STYXL2: variants seen among roughly 807,000 people sequenced by gnomAD.
STYXL2 encodes the protein serine/threonine/tyrosine-interacting-like protein 2.
A neutral mutation model predicts 52.4 loss-of-function variants in STYXL2; 44 were observed. That is an observed-to-expected ratio of 0.84 (90% confidence interval 0.66 to 1.08). The LOEUF (loss-of-function observed/expected upper bound fraction) is 1.08, where lower values mean the gene tolerates loss of function less well. Ranked by LOEUF, STYXL2 falls within the 50% of genes least tolerant of loss-of-function variation. The pLI is 0.00. For synonymous variants in STYXL2, 604 were observed against 586.9 expected (o/e 1.03, Z -0.42); for missense variants, 1,604 against 1,471.7 (o/e 1.09, Z -1.47).
intron 2 of STYXL2, among the ~76,000 whole-genome samples, chr1:167,103,383 A>G (rs1667441351): frequency 6.6e-6 from 1 of 152,188 alleles, no homozygotes; most frequent in Non-Finnish European, 1.5e-5. Context: ...CTGTGGAACT[A>G]GAACAGAGCC....
At chr1:167,110,228 C>G (rs962857147) in intron 2 of STYXL2, among the ~76,000 whole-genome samples, 13 of 152,126 alleles carry the variant, frequency 8.5e-5, no homozygotes, top group Non-Finnish European at 1.5e-4. Context: ...GAACAGTAGC[C>G]CTTGAGCCCC....
Position 167,117,467 on chromosome 1 carries a change from C to A in STYXL2, c.345C>A (p.Val115=). ...CCAGCCTCTATAATACGCCCTGTGT[C>A]CTGGACCTACAGCGGGCCCTGGTTC... ...DDTSLYNTPC[V]LDLQRALVQD... Residue 115 remains valine (V), a synonymous_variant, in exon 4 of 6, where the codon GTC becomes GTA. Transcript: ENST00000361200. The A allele has an allele frequency of 2.5e-6, 4 of 1,612,684 alleles. No homozygotes were observed. The highest frequency in any genetic ancestry group is 3.4e-6 in the Non-Finnish European group (4 of 1,179,458).
chr1:167,126,230 C>T lies in STYXL2; in HGVS notation c.1099C>T (p.Gln367Ter). The T allele has an allele frequency of 6.5e-7, 1 of 1,546,066 alleles. No homozygotes were observed. The highest frequency in any genetic ancestry group is 8.7e-7 in the Non-Finnish European group (1 of 1,151,518). ...GGGCCTCCTCTCAGACAAGGTCCCC[C>T]AGGATGGAGGTGGCTGGCGCTCAGC... is the stretch of plus-strand genomic sequence containing the variant. ...GQGLLSDKVPQDGGGWRSASS... is the reference protein window; with the variant it reads ...GQGLLSDKVP The change falls in exon 6 of 6, where the codon CAG becomes TAG. Residue 367 changes from glutamine to a stop codon, truncating the protein, a stop_gained. Transcript: ENST00000361200. LOFTEE classifies it low-confidence loss of function (END_TRUNC).
At chr1:167,120,729 A>G (rs1380158166) in intron 5 of STYXL2, among the ~76,000 whole-genome samples, 1 of 150,912 alleles carries the variant, frequency 6.6e-6, no homozygotes, top group African/African-American at 2.4e-5. Flanking sequence ...CGATCCTCCC[A>G]CCTCGGCCTC....
intron 2 of STYXL2, among the ~76,000 whole-genome samples, chr1:167,101,930 T>C (rs1347766181): frequency 1.3e-5 from 2 of 152,066 alleles, no homozygotes; most frequent in Non-Finnish European, 1.5e-5. Flanking sequence ...GATAAACACA[T>C]TGTGTCACAT....
intron 2 of STYXL2, among the ~76,000 whole-genome samples, chr1:167,098,426 T>C (rs1210660391): frequency 6.6e-6 from 1 of 151,846 alleles, no homozygotes; most frequent in Non-Finnish European, 1.5e-5. Flanking sequence ...CAGTGAGCTA[T>C]GACCATGCCA....
chr1:167,128,169 G>A lies in STYXL2; in HGVS notation c.3038G>A (p.Arg1013Lys). The stretch of plus-strand genomic sequence containing the variant: ...TCACGGTTCTCATCTTCCTCCACCA[G>A]GGAGGGCAGAGAGATGCACAAGTTC... ...STSRFSSSST[R>K]EGREMHKFSR... Residue 1013 changes from arginine to lysine, a missense_variant, in exon 6 of 6, where the codon AGG becomes AAG. Physicochemically the swap from Arg to Lys is conservative, Grantham distance 26. Coordinates refer to ENST00000361200, the MANE Select transcript of STYXL2 (RefSeq NM_001080426.3). 1 of 1,614,212 alleles carries A rather than the reference G, an allele frequency of 6.2e-7. No individual in the cohort carries two copies. Among genetic ancestry groups the A allele is most frequent in the South Asian group, 1.1e-5 (1 of 91,082 alleles).
At chr1:167,124,126 G>A (rs2102246329) in intron 5 of STYXL2, among the ~76,000 whole-genome samples, 1 of 151,792 alleles carries the variant, frequency 6.6e-6, no homozygotes, top group Admixed American at 6.6e-5. Flanking sequence ...TGCCAGGCCG[G>A]TCTCAAACTC....
In STYXL2 at chr1:167,127,238, C is replaced by T. The variant is rs757053635; in HGVS notation, c.2107C>T (p.Pro703Ser). 2.5e-6 allele frequency: 4 copies of T among 1,614,186 alleles called. No individual in the cohort carries two copies. The East Asian group carries it at 8.9e-5, about 36-fold the overall frequency. ...SNIAGCSTSN[P>S]TTPLPNLPVG... ...CATAGCGGGGTGTTCAACCTCCAAC[C>T]CCACCACACCCCTGCCTAACCTGCC... Residue 703 changes from proline (P) to serine (S), a missense_variant, in exon 6 of 6, where the codon CCC becomes TCC. Coordinates refer to ENST00000361200, the MANE Select transcript of STYXL2 (RefSeq NM_001080426.3).
intron 2 of STYXL2, among the ~76,000 whole-genome samples, chr1:167,101,954 T>C (rs1340053831): frequency 6.6e-6 from 1 of 152,186 alleles, no homozygotes; most frequent in African/African-American, 2.4e-5. Context: ...CACATAGGAA[T>C]ACTATACAGC....
At position 167,113,694 on chromosome 1, in the gene STYXL2, T is replaced by C. The variant is rs761221367; in HGVS notation, c.111-16T>C. The C allele has an allele frequency of 1.3e-5, 20 of 1,590,932 alleles. No homozygotes were observed. Among genetic ancestry groups the C allele is most frequent in the Middle Eastern group, 1.7e-4 (1 of 6,050 alleles). ...ATGCTACAGGCTTATCTCACGTGAA[T>C]ATCCTCTTCCCTTAGGTATTCGATG... is the stretch of plus-strand genomic sequence containing the variant. On this transcript the variant is annotated splice_polypyrimidine_tract_variant and intron_variant, in intron 2 of 5. Coordinates refer to ENST00000361200, the MANE Select transcript of STYXL2 (RefSeq NM_001080426.3).
chr1:167,127,311 T>C lies in STYXL2; in HGVS notation c.2180T>C (p.Ile727Thr), dbSNP rs1376213580. ...TISIASIQNW[I>T]ANVVSETLAQ... is the part of the protein sequence containing the mutation. ...TCCATTGCCAGTATCCAGAACTGGA[T>C]TGCCAATGTAGTCAGTGAGACCCTT... Residue 727 changes from isoleucine (I) to threonine (T), a missense_variant, in exon 6 of 6, where the codon ATT (isoleucine) becomes ACT (threonine). Transcript: ENST00000361200. 1 of 1,614,206 alleles carries C rather than the reference T, an allele frequency of 6.2e-7. No individual in the cohort carries two copies. The highest frequency in any genetic ancestry group is 1.1e-5 in the South Asian group (1 of 91,084).
intron 2 of STYXL2, among the ~76,000 whole-genome samples, chr1:167,101,365 T>C (rs1446810556): frequency 1.3e-5 from 2 of 152,214 alleles, no homozygotes; most frequent in Non-Finnish European, 2.9e-5. Flanking sequence ...GGGACAATCT[T>C]ATATACTGCT....
intron 5 of STYXL2, among the ~76,000 whole-genome samples, chr1:167,122,629 G>C (rs1264548825): frequency 6.6e-6 from 1 of 151,936 alleles, no homozygotes; most frequent in East Asian, 1.9e-4. Context: ...CAAATCTGAT[G>C]CTCTCCCCAG....
At chr1:167,096,941 C>CT (rs1211304041) in intron 2 of STYXL2, among the ~76,000 whole-genome samples, 3 of 152,140 alleles carry the variant, frequency 2.0e-5, no homozygotes, top group Non-Finnish European at 2.9e-5. Context: ...TCCCTCAGGC[C>CT]TGAATGCAAC....
chr1:167,126,256 C>G lies in STYXL2; in HGVS notation c.1125C>G (p.Ala375=). 1 of 1,541,640 alleles carries G rather than the reference C, an allele frequency of 6.5e-7. No individual in the cohort carries two copies. The highest frequency in any genetic ancestry group is 8.7e-7 in the Non-Finnish European group (1 of 1,147,246). ...AGGATGGAGGTGGCTGGCGCTCAGCCTCCTCTGGCCAGGGTGGGGAGGAGC... is the reference window on the plus strand; with the variant it reads ...AGGATGGAGGTGGCTGGCGCTCAGCGTCCTCTGGCCAGGGTGGGGAGGAGC... ...VPQDGGGWRS[A]SSGQGGEELE... is the part of the protein sequence containing the mutation. Residue 375 remains alanine, a synonymous_variant, in exon 6 of 6, where the codon GCC becomes GCG. Coordinates refer to ENST00000361200, the MANE Select transcript of STYXL2 (RefSeq NM_001080426.3).
rs776678004 is a variant in STYXL2, at chr1:167,126,060, A to C, written c.929A>C (p.His310Pro). The change falls in exon 6 of 6, where the codon CAC becomes CCC. Residue 310 changes from histidine (H) to proline (P), a missense_variant. His to Pro is a moderately conservative substitution (Grantham distance 77). Transcript: ENST00000361200. ...GGGAGCATGCTCGGGGCCAGAGTGC[A>C]CGCCCTGACGGTGGAAGAGGAGGAC... ...GTGSMLGARV[H>P]ALTVEEEDDS... 1.3e-6 allele frequency: 2 copies of C among 1,558,652 alleles called. No individual in the cohort carries two copies. Among genetic ancestry groups the C allele is most frequent in the African/African-American group, 1.4e-5 (1 of 73,302 alleles).
rs548036459 is a variant in STYXL2, at chr1:167,124,192, G to T, written c.656-1595G>T. 1.1e-4 allele frequency among the ~76,000 whole-genome samples: 16 copies of T among 152,070 alleles called. No homozygotes were observed. In the South Asian group the frequency reaches 3.3e-3, roughly 32 times the overall value. On this transcript the variant is annotated intron_variant, in intron 5 of 5. Transcript: ENST00000361200. Reference sequence around the variant, plus strand: ...CCCAAAGTGCTGGGATTACAGGTATGAGCCACCACACCCTGGCCTGTGGCT... The same window carrying T: ...CCCAAAGTGCTGGGATTACAGGTATTAGCCACCACACCCTGGCCTGTGGCT...
chr1:167,121,958 G>T (rs749514232), intron 5 of STYXL2, among the ~76,000 whole-genome samples: 2 of 152,154 alleles, frequency 1.3e-5, no homozygotes, highest in Non-Finnish European at 2.9e-5. Context: ...TGAGCCTTAG[G>T]TCCTGTGGTT....
Sources: allele counts gnomAD v4.1 joint callset (sites outside exome capture counted in the v4.1 genomes callset), GRCh38; gene constraint gnomAD v4.1.1; transcripts MANE v1.5; gene names NCBI Gene and HGNC (gene_info 2026-07-23, HGNC 2026-07-21).